Variants in TENM2 observed in about 807,000 individuals in gnomAD.
TENM2 encodes the protein teneurin-2.
In TENM2, 52 loss-of-function variants were observed where a neutral mutation model predicts 245.2. That is an observed-to-expected ratio of 0.21 (90% CI 0.17 to 0.27). The LOEUF is 0.27. TENM2 is among the 10% of genes least tolerant of loss of function. The probability of loss-of-function intolerance (pLI) is 1.00; values close to 1 mark genes in which losing one functional copy is unlikely to be tolerated. For synonymous variants in TENM2, 1,363 were observed against 1,438.9 expected (o/e 0.95, Z 1.19); for missense variants, 3,046 against 3,666.8 (o/e 0.83, Z 4.37).
chr5:167,559,342 C>A (rs1213919214), intron 2 of TENM2, among the ~76,000 whole-genome samples: 1 of 152,202 alleles, frequency 6.6e-6, no homozygotes, highest in Non-Finnish European at 1.5e-5. Flanking sequence ...TCATCCCCTT[C>A]ATTCTGACCC....
exon 24 of TENM2, chr5:168,226,215 G>A: frequency 6.2e-7 from 1 of 1,613,552 alleles, no homozygotes; most frequent in East Asian, 2.2e-5. Flanking sequence ...TGACGTCACT[G>A]TCATCACCAA....
At chr5:167,032,405 A>G in the TENM2 span, among the ~76,000 whole-genome samples, 1 of 152,186 alleles carries the variant, frequency 6.6e-6, no homozygotes, top group Middle Eastern at 3.2e-3. Context: ...AGTTTTGATC[A>G]CTGGTAGGAG....
the TENM2 span, among the ~76,000 whole-genome samples, chr5:167,120,631 G>C: frequency 6.6e-6 from 1 of 152,172 alleles, no homozygotes; most frequent in African/African-American, 2.4e-5. Context: ...TAGGTCTGAT[G>C]CATGGACCTA....
chr5:167,934,587 C>T (rs1477249701), intron 3 of TENM2, among the ~76,000 whole-genome samples: 1 of 152,186 alleles, frequency 6.6e-6, no homozygotes, highest in African/African-American at 2.4e-5. Flanking sequence ...AAAGCTGCTT[C>T]AGAGGAAGAA....
At chr5:168,013,379 G>A (rs879932505) in intron 5 of TENM2, among the ~76,000 whole-genome samples, 12 of 152,164 alleles carry the variant, frequency 7.9e-5, no homozygotes, top group East Asian at 7.8e-4. Context: ...TGAAGCAGGC[G>A]GATCACCTGA....
At chr5:167,786,064 A>G (rs969172624) in intron 2 of TENM2, among the ~76,000 whole-genome samples, 1 of 152,136 alleles carries the variant, frequency 6.6e-6, no homozygotes, top group Non-Finnish European at 1.5e-5. Flanking sequence ...CTCCTTACCC[A>G]ATGTGTCACA....
chr5:168,084,725 G>C (rs993535558), intron 7 of TENM2, among the ~76,000 whole-genome samples: 12 of 152,170 alleles, frequency 7.9e-5, no homozygotes, highest in Non-Finnish European at 1.5e-4. Flanking sequence ...GGCGTTTAGG[G>C]AATTGGGAAG....
intron 2 of TENM2, among the ~76,000 whole-genome samples, chr5:167,376,881 T>G (rs1225914044): frequency 6.6e-6 from 1 of 152,206 alleles, no homozygotes; most frequent in African/African-American, 2.4e-5. Flanking sequence ...CATATACTAT[T>G]TAAATGAAGG....
chr5:166,998,252 T>G, the TENM2 span, among the ~76,000 whole-genome samples: 1 of 152,114 alleles, frequency 6.6e-6, no homozygotes, highest in East Asian at 1.9e-4. Context: ...ATGATAAGAT[T>G]AGGGAGGTGG....
intron 2 of TENM2, among the ~76,000 whole-genome samples, chr5:167,453,461 T>A (rs938286389): frequency 6.6e-6 from 1 of 152,182 alleles, no homozygotes; most frequent in African/African-American, 2.4e-5. Flanking sequence ...ATTGTGAACA[T>A]CTGTGAATCT....
At chr5:167,656,104 T>C (rs944651286) in intron 2 of TENM2, among the ~76,000 whole-genome samples, 8 of 152,150 alleles carry the variant, frequency 5.3e-5, no homozygotes, top group African/African-American at 1.9e-4. Flanking sequence ...ACTCAGGCCA[T>C]AAAGTGCTGC....
At chr5:167,383,328 T>G (rs1156258112) in intron 2 of TENM2, among the ~76,000 whole-genome samples, 1 of 152,182 alleles carries the variant, frequency 6.6e-6, no homozygotes, top group African/African-American at 2.4e-5. Flanking sequence ...TCTTGAACTC[T>G]ATGGGTCATC....
At chr5:166,979,044 C>G in the TENM2 span, among the ~76,000 whole-genome samples, 1 of 151,750 alleles carries the variant, frequency 6.6e-6, no homozygotes, top group Middle Eastern at 3.2e-3. Context: ...CGCGAGAGCT[C>G]GCGTGCAGGA....
At chr5:167,162,281 T>C in the TENM2 span, among the ~76,000 whole-genome samples, 3 of 152,094 alleles carry the variant, frequency 2.0e-5, no homozygotes, top group African/African-American at 7.2e-5. Flanking sequence ...ATATGTTATA[T>C]TCTCAAATAC....
chr5:167,102,517 T>C, the TENM2 span, among the ~76,000 whole-genome samples: 1 of 152,122 alleles, frequency 6.6e-6, no homozygotes, highest in Non-Finnish European at 1.5e-5. Context: ...AAGTGAGGGA[T>C]GTTGGGCCTT....
At chr5:167,007,959 C>T in the TENM2 span, among the ~76,000 whole-genome samples, 1 of 152,170 alleles carries the variant, frequency 6.6e-6, no homozygotes, top group Non-Finnish European at 1.5e-5. The surrounding 1 kb of genome is among the most constrained non-coding windows in gnomAD (Gnocchi z 4.2). Flanking sequence ...CCAGAGCCAT[C>T]TCCTAAGCTT....
At chr5:167,877,871 C>G (rs889672453) in intron 3 of TENM2, among the ~76,000 whole-genome samples, 2 of 152,180 alleles carry the variant, frequency 1.3e-5, no homozygotes, top group South Asian at 4.1e-4. Flanking sequence ...TTTAATTGAA[C>G]TACCTTCGCT....
the TENM2 span, among the ~76,000 whole-genome samples, chr5:167,176,275 G>C: frequency 8.2e-4 from 125 of 152,228 alleles, no homozygotes; most frequent in African/African-American, 2.8e-3. Flanking sequence ...TGTTGTTGTT[G>C]TTGTTCTTTT....
chr5:167,996,124 G>GC (rs1310381472), intron 5 of TENM2, among the ~76,000 whole-genome samples: 1 of 152,156 alleles, frequency 6.6e-6, no homozygotes, highest in African/African-American at 2.4e-5. Flanking sequence ...GAAGAAAGAA[G>GC]ACTTTCCAGA....
Sources: allele counts gnomAD v4.1 joint callset (sites outside exome capture counted in the v4.1 genomes callset), GRCh38; gene constraint gnomAD v4.1.1; non-coding constraint Gnocchi (gnomAD v3.1); transcripts MANE v1.5; gene names NCBI Gene and HGNC (gene_info 2026-07-23, HGNC 2026-07-21).